HMGCL: variants seen among roughly 807,000 people sequenced by gnomAD.
HMGCL encodes the protein 3-hydroxy-3-methylglutaryl-CoA lyase, also known as hydroxymethylglutaryl-CoA lyase, mitochondrial.
In HMGCL, 26 loss-of-function variants were observed where a neutral mutation model predicts 37.3. That is an observed-to-expected ratio of 0.70 (90% confidence interval 0.51 to 0.97). The LOEUF is 0.97. Among genes scored for constraint, HMGCL ranks in the 50% least tolerant of loss-of-function variants. The probability of loss-of-function intolerance (pLI) is 0.00; values close to 1 mark genes in which losing one functional copy is unlikely to be tolerated. For synonymous variants in HMGCL, 151 were observed against 148.0 expected (o/e 1.02, Z -0.15); for missense variants, 379 against 398.1 (o/e 0.95, Z 0.41).
chr1:23,803,075 C>T (rs762763612), intron 8 of HMGCL, among the ~76,000 whole-genome samples: 8 of 152,142 alleles, frequency 5.3e-5, no homozygotes, highest in Non-Finnish European at 1.0e-4. Flanking sequence ...GCTCTTGTCG[C>T]CCAGGCTGGA....
chr1:23,813,969 A>G (rs1261105053), intron 5 of HMGCL: 2 of 580,872 alleles, frequency 3.4e-6, no homozygotes, highest in African/African-American at 1.9e-5. Flanking sequence ...GGCGCATGCT[A>G]TCATGGCTAG....
rs571858195 is a variant in HMGCL at position 23,819,725 on chromosome 1, T to A, written c.144+785A>T. On this transcript the variant is annotated intron_variant, in intron 2 of 8. Coordinates refer to ENST00000374490, the MANE Select transcript of HMGCL (RefSeq NM_000191.3). ...GCCTGGGTGACAGAGTGAGATGCCA[T>A]CTCCCAAAAACACACACACACACAC... Among the ~76,000 whole-genome samples the A allele has an allele frequency of 3.3e-5, 5 of 152,194 alleles. No homozygotes were observed. In the East Asian group the frequency reaches 9.7e-4, roughly 30 times the overall value.
rs753940756 is a variant in HMGCL at position 23,810,811 on chromosome 1, CAG to C, written c.498-14_498-13del. The C allele has an allele frequency of 2.7e-5, 43 of 1,612,574 alleles. No individual in the cohort carries two copies. In the South Asian group the frequency reaches 3.0e-4, roughly 11 times the overall value. ...CACAGGAGACGTACCTGTGGGAAGACAGGGGAGGAATGAGGTCAGTGTCCTGA... is the reference window on the plus strand; with the variant it reads ...CACAGGAGACGTACCTGTGGGAAGACGGGAGGAATGAGGTCAGTGTCCTGA... On this transcript the variant is annotated splice_polypyrimidine_tract_variant and intron_variant, in intron 5 of 8. Transcript: ENST00000374490.
chr1:23,815,790 C>T (rs779185656), intron 4 of HMGCL, among the ~76,000 whole-genome samples: 123 of 151,938 alleles, frequency 8.1e-4, no homozygotes, highest in Non-Finnish European at 3.5e-4. Context: ...CCACCGCGCC[C>T]GGCCTGTAGT....
At chr1:23,821,303 G>A (rs1638714890) in intron 1 of HMGCL, among the ~76,000 whole-genome samples, 1 of 151,758 alleles carries the variant, frequency 6.6e-6, no homozygotes, top group Admixed American at 6.6e-5. Context: ...GTTGCAATGA[G>A]CCAAGATCGT....
At chr1:23,817,814 G>C (rs1014878377) in intron 2 of HMGCL, among the ~76,000 whole-genome samples, 1 of 152,206 alleles carries the variant, frequency 6.6e-6, no homozygotes, top group African/African-American at 2.4e-5. Flanking sequence ...ATGTGTGATG[G>C]CCTGAAAGGG....
intron 7 of HMGCL, 36 bp from the exon 8 acceptor site, chr1:23,804,561 T>G (rs1557485976): frequency 6.2e-7 from 1 of 1,613,316 alleles, no homozygotes; most frequent in Non-Finnish European, 8.5e-7. Context: ...CAGTTGTTGC[T>G]GGGGACAAGA....
chr1:23,804,409 G>A lies in HMGCL; in HGVS notation c.867C>T (p.Gly289=). ...EDLVYMLEGL[G]IHTGVNLQKL... ...GGGTGGGTGGGCTTACCGTGTGAAT[G>A]CCCAAGCCCTCTAGCATGTAGACCA... Residue 289 remains glycine, a synonymous_variant, in exon 8 of 9, where the codon GGC becomes GGT. Coordinates refer to ENST00000374490, the MANE Select transcript of HMGCL (RefSeq NM_000191.3). 6.2e-7 allele frequency: 1 copy of A among 1,614,200 alleles called. No homozygotes were observed. The highest frequency in any genetic ancestry group is 8.5e-7 in the Non-Finnish European group (1 of 1,180,036).
intron 6 of HMGCL, 106 bp from the exon 7 acceptor site, chr1:23,808,429 C>T (rs1202642073): frequency 2.3e-5 from 20 of 883,760 alleles, no homozygotes; most frequent in Non-Finnish European, 3.7e-5. Context: ...CTGGGTATGA[C>T]GCACTCAGTT....
intron 6 of HMGCL, chr1:23,810,428 A>G: frequency 7.5e-6 from 3 of 399,224 alleles, no homozygotes; most frequent in South Asian, 6.3e-5. Flanking sequence ...ACTACAAGGA[A>G]CTATGGGAAC....
chr1:23,822,953 A>G (rs1638748059), intron 1 of HMGCL, among the ~76,000 whole-genome samples: 1 of 152,124 alleles, frequency 6.6e-6, no homozygotes, highest in Non-Finnish European at 1.5e-5. Context: ...AGGTGGGCAG[A>G]TCACCTGAGG....
At chr1:23,812,032 C>T (rs1377823872) in intron 5 of HMGCL, among the ~76,000 whole-genome samples, 2 of 152,150 alleles carry the variant, frequency 1.3e-5, no homozygotes, top group African/African-American at 2.4e-5. Flanking sequence ...TACTGGAGCA[C>T]CTGCTTCCCC....
chr1:23,817,424 G>T, intron 3 of HMGCL, 52 bp downstream of exon 3: 1 of 1,092,462 alleles, frequency 9.2e-7, no homozygotes, highest in Non-Finnish European at 1.4e-6. Context: ...AAAGGCAAAT[G>T]CAAAACTTTT....
At position 23,802,153 on chromosome 1, in the gene HMGCL, A is replaced by T. The variant is rs926805960; in HGVS notation, c.*310T>A. ...GGATTCCATCCAGAGAGGAGACTCA[A>T]GGATCATGCTAAGTAGGGAACGGGG... On this transcript the variant is annotated 3_prime_UTR_variant, in exon 9 of 9. Coordinates refer to ENST00000374490, the MANE Select transcript of HMGCL (RefSeq NM_000191.3). 1 of 582,346 alleles carries T rather than the reference A, an allele frequency of 1.7e-6. No homozygotes were observed. Among genetic ancestry groups the T allele is most frequent in the Non-Finnish European group, 3.1e-6 (1 of 327,616 alleles). The allele number at this position is 582,346 out of a possible 1,614,324, so 36.1% of individuals were successfully genotyped here. A position where few individuals can be genotyped will look rare whatever the true frequency, so the allele number is the denominator to read the frequency against.
intron 1 of HMGCL, 40 bp downstream of exon 1, chr1:23,825,316 T>C: frequency 6.6e-7 from 1 of 1,506,484 alleles, no homozygotes; most frequent in South Asian, 1.2e-5. Context: ...ACAGTCAGAG[T>C]GCCTGCAGGG....
At chr1:23,819,766 C>T (rs897758843) in intron 2 of HMGCL, among the ~76,000 whole-genome samples, 4 of 152,148 alleles carry the variant, frequency 2.6e-5, no homozygotes, top group Non-Finnish European at 4.4e-5. Flanking sequence ...CGTGCGTACG[C>T]GCACATGCAC....
At chr1:23,817,907 TAGGA>T (rs1638644416) in intron 2 of HMGCL, among the ~76,000 whole-genome samples, 1 of 152,188 alleles carries the variant, frequency 6.6e-6, no homozygotes, top group Admixed American at 6.5e-5. Flanking sequence ...CCAATTGGCA[TAGGA>T]CTTCAGCCTC....
chr1:23,814,012 G>C, intron 5 of HMGCL, 178 bp downstream of exon 5: 1 of 711,864 alleles, frequency 1.4e-6, no homozygotes. Flanking sequence ...AGGTTTGAGA[G>C]AAAGTACTTC....
chr1:23,825,043 A>C (rs1397303592), intron 1 of HMGCL, among the ~76,000 whole-genome samples: 1 of 152,192 alleles, frequency 6.6e-6, no homozygotes. Context: ...GAGAGGTCTG[A>C]AGTTCAATTA....
Sources: allele counts gnomAD v4.1 joint callset (sites outside exome capture counted in the v4.1 genomes callset), GRCh38; gene constraint gnomAD v4.1.1; transcripts MANE v1.5; gene names NCBI Gene and HGNC (gene_info 2026-07-23, HGNC 2026-07-21).